CTNNA3: variants seen among roughly 807,000 people sequenced by gnomAD.
CTNNA3 encodes catenin alpha-3.
CTNNA3 carries 76 observed loss-of-function variants against 95.7 expected under a neutral mutation model. The observed-to-expected ratio is 0.79, with a 90% CI of 0.66 to 0.96. The LOEUF is 0.96. CTNNA3 is among the 40% of genes least tolerant of loss of function. The pLI is 0.00. For synonymous variants in CTNNA3, 431 were observed against 374.4 expected, an observed-to-expected ratio of 1.15 and a Z score of -1.74; for missense variants, 1,191 against 1,089.8, an observed-to-expected ratio of 1.09 and a Z score of -1.31.
intron 2 of CTNNA3, among the ~76,000 whole-genome samples, chr10:67,639,730 A>T (rs1447249086): frequency 5.3e-5 from 8 of 152,206 alleles, no homozygotes; most frequent in Admixed American, 3.3e-4. Context: ...GTAATTCAGC[A>T]TATAAACAGA....
chr10:66,035,835 CTTATTGTGA>C (rs1204307921), intron 15 of CTNNA3, among the ~76,000 whole-genome samples: 1 of 151,878 alleles, frequency 6.6e-6, no homozygotes, highest in African/African-American at 2.4e-5. Context: ...GAAAGATGGG[CTTATTGTGA>C]ATGTTAATTT....
At chr10:65,996,735 A>G (rs1312373739) in intron 15 of CTNNA3, among the ~76,000 whole-genome samples, 1 of 152,120 alleles carries the variant, frequency 6.6e-6, no homozygotes, top group Non-Finnish European at 1.5e-5. Flanking sequence ...GCTGGGGCAT[A>G]TACCATTTTC....
chr10:67,359,523 T>A (rs752482921), intron 5 of CTNNA3, among the ~76,000 whole-genome samples: 20 of 152,122 alleles, frequency 1.3e-4, no homozygotes, highest in Non-Finnish European at 2.5e-4. Flanking sequence ...GACATAGTCA[T>A]TTTAAGAAAG....
chr10:67,613,318 T>C (rs1168600439), intron 2 of CTNNA3, among the ~76,000 whole-genome samples: 2 of 151,780 alleles, frequency 1.3e-5, no homozygotes, highest in African/African-American at 2.4e-5. Context: ...TGACTCATCC[T>C]GAAAACACAG....
chr10:67,583,561 A>G (rs576797823), intron 3 of CTNNA3, among the ~76,000 whole-genome samples: 2 of 152,200 alleles, frequency 1.3e-5, no homozygotes, highest in South Asian at 2.1e-4. Flanking sequence ...GTTGAGTAGT[A>G]TCTTTGTGGT....
intron 17 of CTNNA3, among the ~76,000 whole-genome samples, chr10:65,960,418 G>A (rs151171942): frequency 0.033 from 5,039 of 152,058 alleles, 254 homozygotes; most frequent in African/African-American, 0.11. Flanking sequence ...CCACCTACTC[G>A]GTAGGCTGAG....
chr10:67,422,444 A>G (rs183940055), intron 5 of CTNNA3, among the ~76,000 whole-genome samples: 1 of 152,294 alleles, frequency 6.6e-6, no homozygotes, highest in East Asian at 1.9e-4. Flanking sequence ...GTATGGGTAA[A>G]CAAGAGCTTC....
At chr10:66,047,751 C>G (rs1251080780) in intron 15 of CTNNA3, among the ~76,000 whole-genome samples, 1 of 152,106 alleles carries the variant, frequency 6.6e-6, no homozygotes, top group Admixed American at 6.6e-5. Flanking sequence ...AGCCCAAAAT[C>G]TCCTCCAGCT....
intron 12 of CTNNA3, among the ~76,000 whole-genome samples, chr10:66,305,073 C>G (rs1312983663): frequency 6.6e-6 from 1 of 152,036 alleles, no homozygotes; most frequent in Non-Finnish European, 1.5e-5. Context: ...TCATCCTCAG[C>G]CCCTCTCTAA....
intron 7 of CTNNA3, among the ~76,000 whole-genome samples, chr10:67,131,853 G>C (rs1029212245): frequency 6.6e-6 from 1 of 152,206 alleles, no homozygotes. Context: ...TGAAGAGAAG[G>C]AAGCCTAGAT....
intron 7 of CTNNA3, among the ~76,000 whole-genome samples, chr10:67,152,738 T>TAACAA (rs1861138380): frequency 6.6e-6 from 1 of 152,164 alleles, no homozygotes; most frequent in Non-Finnish European, 1.5e-5. Context: ...AGCTTCTACT[T>TAACAA]GTTATACTTT....
chr10:66,223,778 T>A (rs1236707544), intron 13 of CTNNA3, among the ~76,000 whole-genome samples: 1 of 152,208 alleles, frequency 6.6e-6, no homozygotes, highest in Non-Finnish European at 1.5e-5. Context: ...ATATTCTTTC[T>A]GGTTGTGTCT....
chr10:66,609,041 T>C (rs1180785563), intron 10 of CTNNA3, among the ~76,000 whole-genome samples: 1 of 152,028 alleles, frequency 6.6e-6, no homozygotes, highest in Admixed American at 6.6e-5. Context: ...AAACTATGCA[T>C]CTGACAAAGG....
intron 7 of CTNNA3, among the ~76,000 whole-genome samples, chr10:67,014,690 T>C (rs1050390417): frequency 1.3e-5 from 2 of 152,062 alleles, no homozygotes; most frequent in African/African-American, 4.8e-5. Context: ...ATTGAGATGA[T>C]ATATGTCCTA....
chr10:66,499,923 C>T (rs1840222536), intron 11 of CTNNA3, among the ~76,000 whole-genome samples: 1 of 151,868 alleles, frequency 6.6e-6, no homozygotes, highest in South Asian at 2.1e-4. Flanking sequence ...CTGCCTCAGC[C>T]TCCGGAGTAG....
At chr10:67,271,236 A>T (rs1448656746) in intron 5 of CTNNA3, among the ~76,000 whole-genome samples, 1 of 152,188 alleles carries the variant, frequency 6.6e-6, no homozygotes, top group Non-Finnish European at 1.5e-5. Context: ...TTTGAATTGT[A>T]ATCCCAATAA....
At chr10:67,073,789 C>A (rs948315799) in intron 7 of CTNNA3, among the ~76,000 whole-genome samples, 1 of 152,042 alleles carries the variant, frequency 6.6e-6, no homozygotes, top group African/African-American at 2.4e-5. Context: ...ATGAAAAATG[C>A]TAAGCATAAT....
intron 13 of CTNNA3, among the ~76,000 whole-genome samples, chr10:66,110,878 T>G (rs2082097331): frequency 6.6e-6 from 1 of 152,206 alleles, no homozygotes; most frequent in Admixed American, 6.5e-5. Flanking sequence ...ACACCTAGGC[T>G]GTATGGTATA....
At chr10:66,707,261 T>C (rs1456098837) in intron 9 of CTNNA3, among the ~76,000 whole-genome samples, 1 of 152,026 alleles carries the variant, frequency 6.6e-6, no homozygotes, top group East Asian at 1.9e-4. Flanking sequence ...GCTGCATTCA[T>C]ATTGATTTAG....
Sources: gnomAD v4.1 joint callset for allele counts (sites outside exome capture counted in the v4.1 genomes callset) on GRCh38, gnomAD v4.1.1 for gene constraint, MANE v1.5 for transcripts, NCBI Gene and HGNC (gene_info 2026-07-23, HGNC 2026-07-21) for gene names.